Variants in ABCA9 observed in about 807,000 individuals in gnomAD.
ABCA9 encodes the protein ATP binding cassette subfamily A member 9.
In ABCA9, 183 loss-of-function variants were observed where a neutral mutation model predicts 205.3. The observed-to-expected ratio is 0.89, with a 90% CI of 0.79 to 1.01. The LOEUF (loss-of-function observed/expected upper bound fraction) is 1.01, where lower values mean the gene tolerates loss of function less well. Ranked by LOEUF, ABCA9 falls within the 50% of genes least tolerant of loss-of-function variation. The pLI is 0.00. For synonymous variants in ABCA9, 651 were observed against 683.3 expected (o/e 0.95, Z 0.74); for missense variants, 1,805 against 1,912.4 (o/e 0.94, Z 1.05).
At chr17:69,018,640 T>TATA in intron 19 of ABCA9, 61 bp from the exon 20 acceptor site, 1 of 1,257,622 alleles carries the variant, frequency 8.0e-7, no homozygotes, top group Non-Finnish European at 1.1e-6. Flanking sequence ...GGTTTTTAAG[T>TATA]TTGAAGGTAT....
intron 8 of ABCA9, 46 bp downstream of exon 8, chr17:69,035,200 G>A (rs2071291680): frequency 7.1e-7 from 1 of 1,412,686 alleles, no homozygotes; most frequent in Non-Finnish European, 9.4e-7. Context: ...GAGGGAATCT[G>A]TGTAGAACGG....
chr17:68,987,466 T>C (rs1389720576), intron 31 of ABCA9, among the ~76,000 whole-genome samples: 3 of 152,222 alleles, frequency 2.0e-5, no homozygotes, highest in Admixed American at 6.5e-5. Flanking sequence ...TTAATTTAGC[T>C]GACAGTGTAG....
chr17:69,026,369 G>C lies in ABCA9; in HGVS notation c.2141+8C>G. On this transcript the variant is annotated splice_region_variant and intron_variant, in intron 16 of 38. Coordinates refer to ENST00000340001, the MANE Select transcript of ABCA9 (RefSeq NM_080283.4). ...CTGTCAACACGTCTCCAACATTCAG[G>C]GCTGTACCTTAAATGGTAGCCTATG... 1.9e-6 allele frequency: 3 copies of C among 1,610,326 alleles called. No individual in the cohort carries two copies. The highest frequency in any genetic ancestry group is 1.7e-6 in the Non-Finnish European group (2 of 1,176,944).
At chr17:69,071,337 A>G in the ABCA9 span, among the ~76,000 whole-genome samples, 1 of 152,152 alleles carries the variant, frequency 6.6e-6, no homozygotes, top group South Asian at 2.1e-4. Flanking sequence ...GCTCATACAG[A>G]AGAGCTTCAG....
chr17:68,989,237 T>A, intron 30 of ABCA9, 119 bp from the exon 31 acceptor site: 1 of 528,262 alleles, frequency 1.9e-6, no homozygotes, highest in Non-Finnish European at 3.5e-6. Context: ...ATTATTTCCC[T>A]TATTCCTCTC....
intron 24 of ABCA9, 57 bp from the exon 25 acceptor site, chr17:69,007,929 T>C (rs1310873339): frequency 2.8e-6 from 4 of 1,430,278 alleles, no homozygotes; most frequent in Non-Finnish European, 3.9e-6. Context: ...AGAGTACTCA[T>C]ATTTACTCTT....
At chr17:69,024,748 T>C (rs2144318666) in intron 16 of ABCA9, among the ~76,000 whole-genome samples, 1 of 152,206 alleles carries the variant, frequency 6.6e-6, no homozygotes, top group South Asian at 2.1e-4. Flanking sequence ...GACTTGAGCA[T>C]GAGAAAACAA....
Position 69,033,777 on chromosome 17 carries a change from C to A in ABCA9, c.1225G>T (p.Asp409Tyr). 6.2e-7 allele frequency: 1 copy of A among 1,612,322 alleles called. No homozygotes were observed. The highest frequency in any genetic ancestry group is 1.1e-5 in the South Asian group (1 of 90,790). Residue 409 changes from aspartate (D) to tyrosine (Y), a missense_variant, in exon 9 of 39, where the codon GAC (aspartate) becomes TAC (tyrosine). Asp to Tyr is a radical substitution (Grantham distance 160). Coordinates refer to ENST00000340001, the MANE Select transcript of ABCA9 (RefSeq NM_080283.4). ...GTCAATACCAAATACAGAAGGGTGT[C>A]AAAAACCAACATGAAAAGAGTAGCT... Reference protein sequence around the residue: ...IIATLFMLVFDTLLYLVLTLY... With the variant: ...IIATLFMLVFYTLLYLVLTLY...
At chr17:69,057,795 A>G (rs1002024156) in intron 1 of ABCA9, among the ~76,000 whole-genome samples, 1 of 152,232 alleles carries the variant, frequency 6.6e-6, no homozygotes, top group Non-Finnish European at 1.5e-5. Context: ...ATGCTCAGAA[A>G]AAAAGGATGG....
intron 31 of ABCA9, chr17:68,986,560 T>C (rs943983053): frequency 2.7e-6 from 1 of 376,536 alleles, no homozygotes; most frequent in Non-Finnish European, 4.7e-6. Flanking sequence ...ATGACCGTGA[T>C]TGAACTCAAG....
chr17:69,033,303 C>CAAAA (rs374917872), intron 9 of ABCA9: 62,250 of 86,874 alleles, frequency 0.72, 23,016 homozygotes, highest in East Asian at 0.87. Context: ...CGAGACTTCT[C>CAAAA]AAAAAAAAAA....
At chr17:69,046,009 A>G (rs963136879) in intron 3 of ABCA9, among the ~76,000 whole-genome samples, 1 of 152,208 alleles carries the variant, frequency 6.6e-6, no homozygotes, top group African/African-American at 2.4e-5. Context: ...TTCCAACGGT[A>G]TTGGAAATAA....
intron 6 of ABCA9, among the ~76,000 whole-genome samples, chr17:69,040,903 C>A (rs1394911361): frequency 6.6e-6 from 1 of 151,988 alleles, no homozygotes; most frequent in East Asian, 1.9e-4. Context: ...GCCAAATAAA[C>A]AGGAAGAAAG....
intron 37 of ABCA9, among the ~76,000 whole-genome samples, chr17:68,982,075 A>C (rs991401502): frequency 1.3e-5 from 2 of 152,144 alleles, no homozygotes; most frequent in Admixed American, 1.3e-4. Context: ...AGAGACAGGA[A>C]CCTCCTTATC....
At chr17:69,035,178 G>A (rs2144388855) in intron 8 of ABCA9, 68 bp downstream of exon 8, 1 of 1,274,362 alleles carries the variant, frequency 7.8e-7, no homozygotes, top group Non-Finnish European at 1.0e-6. Flanking sequence ...AGCATGTTGT[G>A]TGAATTATTA....
chr17:69,010,673 G>T (rs953565052), intron 23 of ABCA9, among the ~76,000 whole-genome samples: 50 of 152,066 alleles, frequency 3.3e-4, no homozygotes, highest in African/African-American at 1.2e-3. Context: ...GAAACCTATG[G>T]GTAACTCTTG....
At chr17:69,036,871 C>CAAAAAAAAAAAAAAAAAAAAAAA (rs781565554) in intron 6 of ABCA9, among the ~76,000 whole-genome samples, 1 of 4,712 alleles carries the variant, frequency 2.1e-4, no homozygotes, top group Non-Finnish European at 4.2e-4. Context: ...AAATGGAAAG[C>CAAAAAAAAAAAAAAAAAAAAAAA]AAAAAAAAAA....
rs115322542 is a variant in ABCA9, at chr17:68,992,257, G to A, written c.3634C>T (p.His1212Tyr). Reference sequence around the variant, plus strand: ...AGAATGAAAAGAAAAATGAGAAAATGAAGGTAAGGCTAGGGAAAAAGAAAG... The same window carrying A: ...AGAATGAAAAGAAAAATGAGAAAATAAAGGTAAGGCTAGGGAAAAAGAAAG... ...VYLALLIPYL[H>Y]FLIFLFILRC... Residue 1212 changes from histidine (H) to tyrosine (Y), a missense_variant, in exon 28 of 39, where the codon CAT becomes TAT. Transcript: ENST00000340001. The A allele has an allele frequency of 1.4e-4, 217 of 1,587,806 alleles. 1 individual carries two copies. The African/African-American group carries it at 2.7e-3, about 20-fold the overall frequency.
intron 32 of ABCA9, 39 bp downstream of exon 32, chr17:68,986,125 C>G: frequency 1.3e-6 from 2 of 1,560,780 alleles, no homozygotes; most frequent in Non-Finnish European, 8.7e-7. Flanking sequence ...AATACAACAT[C>G]CCCTCCAGCA....
Sources: allele counts gnomAD v4.1 joint callset (sites outside exome capture counted in the v4.1 genomes callset), GRCh38; gene constraint gnomAD v4.1.1; transcripts MANE v1.5; gene names NCBI Gene and HGNC (gene_info 2026-07-23, HGNC 2026-07-21).